Variants in EYA3 observed in about 807,000 individuals in gnomAD.
EYA3 encodes protein phosphatase EYA3.
EYA3 carries 39 observed loss-of-function variants against 80.0 expected under a neutral mutation model. That is an observed-to-expected ratio of 0.49 (90% CI 0.38 to 0.64). EYA3 has a LOEUF of 0.64. EYA3 is among the 30% of genes least tolerant of loss of function. EYA3 has a pLI of 0.00. For missense variants in EYA3, 523 were observed against 676.1 expected (o/e 0.77, Z 2.51); for synonymous variants, 206 against 232.8 (o/e 0.88, Z 1.05).
At chr1:28,005,998 G>C (rs1303480003) in intron 10 of EYA3, among the ~76,000 whole-genome samples, 1 of 151,926 alleles carries the variant, frequency 6.6e-6, no homozygotes, top group Non-Finnish European at 1.5e-5. Context: ...CCAGCTACTT[G>C]GGAGGCTGAG....
intron 2 of EYA3, among the ~76,000 whole-genome samples, chr1:28,048,903 A>AT (rs1048626160): frequency 3.3e-5 from 5 of 152,080 alleles, no homozygotes; most frequent in Non-Finnish European, 5.9e-5. Flanking sequence ...TTAACCCTGT[A>AT]TTTTTTCTTT....
At chr1:27,996,976 G>A (rs572728519) in intron 13 of EYA3, among the ~76,000 whole-genome samples, 2 of 152,242 alleles carry the variant, frequency 1.3e-5, no homozygotes, top group East Asian at 1.9e-4. Context: ...CCTGCCTCGC[G>A]CTTCTAAGAT....
intron 1 of EYA3, among the ~76,000 whole-genome samples, chr1:28,058,533 T>C (rs1644508973): frequency 6.6e-6 from 1 of 152,172 alleles, no homozygotes; most frequent in African/African-American, 2.4e-5. Flanking sequence ...TCACTTTAAA[T>C]AGGACAAACC....
intron 5 of EYA3, 46 bp from the exon 6 acceptor site, chr1:28,035,726 G>A (rs1643417289): frequency 1.9e-6 from 3 of 1,594,236 alleles, no homozygotes; most frequent in African/African-American, 1.3e-5. Context: ...ATTTACTTTA[G>A]TAACGAAAAA....
At chr1:28,007,258 G>A (rs1157835055) in intron 10 of EYA3, among the ~76,000 whole-genome samples, 1 of 151,416 alleles carries the variant, frequency 6.6e-6, no homozygotes, top group Admixed American at 6.6e-5. Flanking sequence ...CTTATATGTA[G>A]AAAACCTTAA....
At chr1:28,021,603 ATTC>A (rs1232711831) in intron 7 of EYA3, among the ~76,000 whole-genome samples, 2 of 147,726 alleles carry the variant, frequency 1.4e-5, no homozygotes, top group African/African-American at 2.6e-5. Context: ...GGGCAAAATC[ATTC>A]TTCTTTTTTT....
rs188404778 is a variant in EYA3 at position 28,043,418 on chromosome 1, C to G, written c.78-768G>C. On this transcript the variant is annotated intron_variant, in intron 3 of 17. Transcript: ENST00000373871. ...AATGCTATATTATTTATTACAGTCA[C>G]CATTCTGTGCAACAGTGCTCTGTTA... is the stretch of plus-strand genomic sequence containing the variant. Among the ~76,000 whole-genome samples the G allele has an allele frequency of 2.0e-5, 3 of 151,930 alleles. No homozygotes were observed. The East Asian group carries it at 5.8e-4, about 29-fold the overall frequency.
chr1:28,000,113 A>T (rs886390188), intron 11 of EYA3, 64 bp from the exon 12 acceptor site: 2 of 1,238,736 alleles, frequency 1.6e-6, no homozygotes, highest in African/African-American at 3.1e-5. Context: ...TAATCTTCAA[A>T]TTTCAAAATT....
intron 13 of EYA3, among the ~76,000 whole-genome samples, chr1:27,994,555 C>T (rs1321127935): frequency 4.6e-5 from 7 of 152,040 alleles, no homozygotes; most frequent in Non-Finnish European, 1.0e-4. Flanking sequence ...GGTGTGGTGG[C>T]GCATGCCTGT....
intron 8 of EYA3, among the ~76,000 whole-genome samples, chr1:28,015,702 A>G (rs1414770714): frequency 6.6e-6 from 1 of 152,230 alleles, no homozygotes; most frequent in Non-Finnish European, 1.5e-5. Context: ...CAGGATTAAA[A>G]GGGAAAATAC....
rs1262848587 is a variant in EYA3 at position 27,978,492 on chromosome 1, T to C, written c.1541-18A>G. ...CTCCTTACCTGATGAGAAAAAGAAA[T>C]TTCCTGTTAGAATACTCTTCTCTTC... On this transcript the variant is annotated intron_variant, in intron 16 of 17. Transcript: ENST00000373871. The C allele has an allele frequency of 1.9e-6, 3 of 1,599,964 alleles. No homozygotes were observed. Among genetic ancestry groups the C allele is most frequent in the African/African-American group, 2.7e-5 (2 of 74,724 alleles).
In EYA3 at chr1:27,988,291, A is replaced by C. The variant is rs559348949; in HGVS notation, c.1540+244T>G. ...AGGCAAAACTAGATTTCTAAGCTAG[A>C]TATTATGTTCTTTCAAATATTATCA... On this transcript the variant is annotated intron_variant, in intron 16 of 17. Transcript: ENST00000373871. Among the ~76,000 whole-genome samples the C allele has an allele frequency of 1.1e-3, 163 of 152,352 alleles. 1 individual carries two copies. Among genetic ancestry groups the C allele is most frequent in the African/African-American group, 3.8e-3 (160 of 41,586 alleles).
At chr1:28,078,714 CATTA>C (rs1409461649) in intron 1 of EYA3, among the ~76,000 whole-genome samples, 3 of 152,014 alleles carry the variant, frequency 2.0e-5, no homozygotes, top group Non-Finnish European at 2.9e-5. Flanking sequence ...CCAGGTAATA[CATTA>C]ATTATTTTAA....
At chr1:28,003,312 C>G (rs931199605) in intron 11 of EYA3, among the ~76,000 whole-genome samples, 1 of 138,686 alleles carries the variant, frequency 7.2e-6, no homozygotes, top group African/African-American at 2.7e-5. Context: ...ACAACAACAA[C>G]AACAAAATTA....
chr1:28,065,187 G>C (rs893922213), intron 1 of EYA3, among the ~76,000 whole-genome samples: 1 of 152,212 alleles, frequency 6.6e-6, no homozygotes, highest in Non-Finnish European at 1.5e-5. Context: ...GCCAAAACCT[G>C]GAGTTTGAGG....
rs569763324 is a variant in EYA3 at position 27,978,592 on chromosome 1, T to C, written c.1541-118A>G. ...TAGGTGGACTAAGTGACAGCCCATG[T>C]AGTTTGCTTGCTGGGGAGTAGGGAT... On this transcript the variant is annotated intron_variant, in intron 16 of 17. Transcript: ENST00000373871. The C allele has an allele frequency of 4.9e-5, 36 of 733,878 alleles. No individual in the cohort carries two copies. The South Asian group carries it at 5.8e-4, about 12-fold the overall frequency. The allele number at this position is 733,878 out of a possible 1,614,324, so 45.5% of individuals were successfully genotyped here.
intron 2 of EYA3, among the ~76,000 whole-genome samples, chr1:28,054,838 G>A (rs1571909498): frequency 6.6e-6 from 1 of 152,306 alleles, no homozygotes; most frequent in African/African-American, 2.4e-5. Flanking sequence ...GCGACAGGGT[G>A]AAACCCTGTC....
At chr1:28,063,309 T>C (rs1004426856) in intron 1 of EYA3, among the ~76,000 whole-genome samples, 1 of 149,916 alleles carries the variant, frequency 6.7e-6, no homozygotes, top group Non-Finnish European at 1.5e-5. Flanking sequence ...ATATATATTT[T>C]TTTTTATTTT....
Position 27,997,381 on chromosome 1 carries a change from G to A in EYA3, c.1084-3C>T, listed in dbSNP as rs1557543479. 1 of 1,613,718 alleles carries A rather than the reference G, an allele frequency of 6.2e-7. No individual in the cohort carries two copies. Among genetic ancestry groups the A allele is most frequent in the Non-Finnish European group, 8.5e-7 (1 of 1,179,658 alleles). On this transcript the variant is annotated splice_region_variant and splice_polypyrimidine_tract_variant and intron_variant, in intron 12 of 17. Transcript: ENST00000373871. ...TCCACATGTACCTGGTCACACTCCT[G>A]TTAAAAGACAAAACATATTACTTCA...
Sources: gnomAD v4.1 joint callset for allele counts (sites outside exome capture counted in the v4.1 genomes callset) on GRCh38, gnomAD v4.1.1 for gene constraint, MANE v1.5 for transcripts, NCBI Gene and HGNC (gene_info 2026-07-23, HGNC 2026-07-21) for gene names.